The following FUT8 variants were observed in gnomAD, a reference collection of about 807,000 sequenced individuals.
FUT8 encodes the protein alpha-(1,6)-fucosyltransferase.
In FUT8, 29 loss-of-function variants were observed where a neutral mutation model predicts 71.3. The observed-to-expected ratio is 0.41, with a 90% CI of 0.30 to 0.55. The LOEUF is 0.55. Among genes scored for constraint, FUT8 ranks in the 20% least tolerant of loss-of-function variants. The pLI is 0.34. For missense variants in FUT8, 544 were observed against 702.1 expected, an observed-to-expected ratio of 0.77 and a Z score of 2.55; for synonymous variants, 254 against 239.3, an observed-to-expected ratio of 1.06 and a Z score of -0.57.
chr14:65,586,448 G>C (rs1229911334), intron 3 of FUT8, among the ~76,000 whole-genome samples: 2 of 152,106 alleles, frequency 1.3e-5, no homozygotes, highest in Non-Finnish European at 2.9e-5. Context: ...TTAGGGTATT[G>C]AGCCATTTAA....
intron 2 of FUT8, among the ~76,000 whole-genome samples, chr14:65,524,183 T>C (rs1359724178): frequency 6.6e-6 from 1 of 152,244 alleles, no homozygotes; most frequent in Non-Finnish European, 1.5e-5. Context: ...ATTTTCACGA[T>C]ATTGATTCTT....
chr14:65,418,484 A>C (rs920625367), intron 1 of FUT8, among the ~76,000 whole-genome samples: 1 of 152,250 alleles, frequency 6.6e-6, no homozygotes. Flanking sequence ...TTAATGACTT[A>C]AGCCAACATT....
chr14:65,445,260 G>A (rs2065721628), intron 1 of FUT8, among the ~76,000 whole-genome samples: 1 of 152,194 alleles, frequency 6.6e-6, no homozygotes, highest in Non-Finnish European at 1.5e-5. Flanking sequence ...TCTGCCATGT[G>A]AGGATGTAAC....
chr14:65,409,436 T>C (rs922605230), upstream of FUT8, among the ~76,000 whole-genome samples: 3 of 152,212 alleles, frequency 2.0e-5, no homozygotes, highest in African/African-American at 7.2e-5. The surrounding 1 kb of genome is among the most constrained non-coding windows in gnomAD (Gnocchi z 5.4). Flanking sequence ...AAAGGTTTGA[T>C]TTGAGAATTA....
intron 2 of FUT8, among the ~76,000 whole-genome samples, chr14:65,470,074 C>T (rs911825118): frequency 2.0e-5 from 3 of 152,248 alleles, no homozygotes; most frequent in Non-Finnish European, 2.9e-5. Context: ...CACCTGCCTG[C>T]CAGCATGGAG....
At chr14:65,490,161 T>C (rs951863875) in intron 2 of FUT8, among the ~76,000 whole-genome samples, 1 of 152,058 alleles carries the variant, frequency 6.6e-6, no homozygotes, top group African/African-American at 2.4e-5. Context: ...TGTAAGAGGC[T>C]GTTTACTCTC....
chr14:65,432,564 T>G (rs1250114817), intron 1 of FUT8, among the ~76,000 whole-genome samples: 1 of 152,166 alleles, frequency 6.6e-6, no homozygotes, highest in Non-Finnish European at 1.5e-5. Flanking sequence ...TAAAACCTAC[T>G]GGGCTGCATT....
chr14:65,464,443 A>T (rs144794739), intron 2 of FUT8, among the ~76,000 whole-genome samples: 127 of 152,218 alleles, frequency 8.3e-4, no homozygotes, highest in Non-Finnish European at 1.4e-3. Flanking sequence ...TCCTGATCCT[A>T]CGGGGAAAGG....
intron 2 of FUT8, among the ~76,000 whole-genome samples, chr14:65,509,125 G>C (rs769805230): frequency 6.6e-6 from 1 of 152,102 alleles, no homozygotes; most frequent in South Asian, 2.1e-4. Flanking sequence ...TAGGAGTCTA[G>C]TTTCATTCTT....
At chr14:65,414,146 C>T (rs906065703) in intron 1 of FUT8, among the ~76,000 whole-genome samples, 1 of 152,148 alleles carries the variant, frequency 6.6e-6, no homozygotes, top group Non-Finnish European at 1.5e-5. Context: ...TAGTACATAA[C>T]CCCAAATTTC....
chr14:65,669,171 T>TAAA lies in FUT8; in HGVS notation c.598-62_598-60dup. On this transcript the variant is annotated intron_variant, in intron 6 of 10. Transcript: ENST00000673929. This position sits in a 1 kb window ranked among gnomAD's most constrained non-coding sequence, Gnocchi z 4.5. ...ATGTGTACCCCTGAAGATGAAAGAT[T>TAAA]AAAAAAAAAAAAGAGCAGTTGACCT... The TAAA allele has an allele frequency of 1.4e-5, 13 of 928,066 alleles. No homozygotes were observed. Among genetic ancestry groups the TAAA allele is most frequent in the Middle Eastern group, 3.7e-4 (1 of 2,684 alleles). 57.5% of individuals were successfully genotyped at this position (928,066 alleles called of 1,614,324 possible). A position where few individuals can be genotyped will look rare whatever the true frequency, so the allele number is the denominator to read the frequency against.
At chr14:65,360,999 T>G in the FUT8 span, among the ~76,000 whole-genome samples, 2 of 152,120 alleles carry the variant, frequency 1.3e-5, no homozygotes, top group African/African-American at 4.8e-5. Flanking sequence ...ATGAAAGAAC[T>G]TTGGAAACTT....
intron 6 of FUT8, among the ~76,000 whole-genome samples, chr14:65,664,699 T>G (rs1040990216): frequency 1.3e-5 from 2 of 152,152 alleles, no homozygotes; most frequent in African/African-American, 4.8e-5. Flanking sequence ...AGGGCTCTGC[T>G]TGACAGGACA....
In FUT8 at chr14:65,483,682, A is replaced by G. The variant is rs1404244546; in HGVS notation, c.-228+27964A>G. ...TTAGGTTGATCTTTAAGTATTTTAT[A>G]TTTTTTGATGCTTTTATAAATATTT... On this transcript the variant is annotated intron_variant, in intron 2 of 10. Coordinates refer to ENST00000673929, the MANE Select transcript of FUT8 (RefSeq NM_001371533.1). This position sits in a 1 kb window ranked among gnomAD's most constrained non-coding sequence, Gnocchi z 4.4. 6.6e-6 allele frequency among the ~76,000 whole-genome samples: 1 copy of G among 151,552 alleles called. No homozygotes were observed. The highest frequency in any genetic ancestry group is 1.5e-5 in the Non-Finnish European group (1 of 67,830).
intron 5 of FUT8, chr14:65,617,078 T>C: frequency 3.8e-6 from 6 of 1,585,364 alleles, no homozygotes; most frequent in Non-Finnish European, 5.1e-6. Context: ...TAAAAGTCTA[T>C]GTTTCCAGTA....
At chr14:65,443,215 C>T (rs138315224) in intron 1 of FUT8, among the ~76,000 whole-genome samples, 2,269 of 151,442 alleles carry the variant, frequency 0.015, 19 homozygotes, top group South Asian at 0.024. Flanking sequence ...TCAAGACCAT[C>T]CTGGCTAACG....
chr14:65,415,505 A>C (rs377450982), intron 1 of FUT8, among the ~76,000 whole-genome samples: 1 of 152,192 alleles, frequency 6.6e-6, no homozygotes, highest in African/African-American at 2.4e-5. Flanking sequence ...TGTCCTGTTC[A>C]TCAGAATCTA....
chr14:65,406,815 G>A (rs907248811), upstream of FUT8, among the ~76,000 whole-genome samples: 1 of 152,194 alleles, frequency 6.6e-6, no homozygotes, highest in East Asian at 1.9e-4. Context: ...TGGGATTATA[G>A]GTGTGAGCCA....
chr14:65,360,906 T>C, the FUT8 span, among the ~76,000 whole-genome samples: 2 of 152,208 alleles, frequency 1.3e-5, no homozygotes, highest in Non-Finnish European at 2.9e-5. Context: ...TATGAGCCCA[T>C]ATTTTCTCAA....
Sources: allele counts gnomAD v4.1 joint callset (sites outside exome capture counted in the v4.1 genomes callset), GRCh38; gene constraint gnomAD v4.1.1; non-coding constraint Gnocchi (gnomAD v3.1); transcripts MANE v1.5; gene names NCBI Gene and HGNC (gene_info 2026-07-23, HGNC 2026-07-21).